Variants in MCC observed in about 807,000 individuals in gnomAD.
MCC encodes MCC regulator of Wnt signaling pathway.
A neutral mutation model predicts 116.2 loss-of-function variants in MCC; 90 were observed. The observed-to-expected ratio is 0.77, with a 90% CI of 0.65 to 0.92. MCC has a LOEUF of 0.92. MCC is among the 40% of genes least tolerant of loss of function. The pLI is 0.00. For missense variants in MCC, 1,516 were observed against 1,312.2 expected, an observed-to-expected ratio of 1.16 and a Z score of -2.40; for synonymous variants, 578 against 510.5, an observed-to-expected ratio of 1.13 and a Z score of -1.78.
intron 14 of MCC, among the ~76,000 whole-genome samples, chr5:113,060,071 G>A (rs1753110901): frequency 6.6e-6 from 1 of 152,154 alleles, no homozygotes; most frequent in Non-Finnish European, 1.5e-5. Context: ...AATCCGTGAT[G>A]ACATTTTCCT....
chr5:113,366,484 G>A (rs1768690993), intron 2 of MCC, among the ~76,000 whole-genome samples: 1 of 152,044 alleles, frequency 6.6e-6, no homozygotes, highest in Non-Finnish European at 1.5e-5. Flanking sequence ...TATTTCGAGG[G>A]TAATATATGG....
At chr5:113,129,584 TG>T (rs1196036080) in intron 5 of MCC, among the ~76,000 whole-genome samples, 1 of 152,160 alleles carries the variant, frequency 6.6e-6, no homozygotes, top group Non-Finnish European at 1.5e-5. Flanking sequence ...CCCATATGGC[TG>T]GGAGGAAGAG....
At chr5:113,466,951 TTC>T (rs1274319739) in intron 1 of MCC, among the ~76,000 whole-genome samples, 1 of 152,272 alleles carries the variant, frequency 6.6e-6, no homozygotes, top group Non-Finnish European at 1.5e-5. Flanking sequence ...TGAGCACTTT[TTC>T]ATGTGTTTTT....
intron 6 of MCC, among the ~76,000 whole-genome samples, chr5:113,118,416 C>T (rs956160684): frequency 1.3e-5 from 2 of 152,136 alleles, no homozygotes; most frequent in Non-Finnish European, 2.9e-5. Context: ...TATTTGACTG[C>T]TTAGTAAGTC....
chr5:113,292,997 G>T (rs1406060153), intron 3 of MCC, among the ~76,000 whole-genome samples: 1 of 152,094 alleles, frequency 6.6e-6, no homozygotes, highest in Non-Finnish European at 1.5e-5. Context: ...CTCACTCTCA[G>T]CATTTCTTGA....
chr5:113,285,465 T>C (rs1246321743), intron 3 of MCC, among the ~76,000 whole-genome samples: 1 of 151,764 alleles, frequency 6.6e-6, no homozygotes, highest in African/African-American at 2.4e-5. Flanking sequence ...CTAGGTGATC[T>C]GGCCAGAACT....
chr5:113,454,505 T>A (rs1389958597), intron 1 of MCC, among the ~76,000 whole-genome samples: 1 of 152,184 alleles, frequency 6.6e-6, no homozygotes, highest in Admixed American at 6.5e-5. Context: ...TCTAGTTAAA[T>A]GTCAGTCATA....
At chr5:113,262,026 C>T (rs1005308360) in intron 3 of MCC, among the ~76,000 whole-genome samples, 1 of 152,054 alleles carries the variant, frequency 6.6e-6, no homozygotes, top group Non-Finnish European at 1.5e-5. Context: ...GAATGATTAA[C>T]CACTCACCAA....
At chr5:113,037,536 T>C (rs1011379275) in intron 17 of MCC, among the ~76,000 whole-genome samples, 5 of 152,048 alleles carry the variant, frequency 3.3e-5, no homozygotes, top group African/African-American at 1.2e-4. Flanking sequence ...CTACTAAAAA[T>C]ACAAAAATTA....
intron 17 of MCC, among the ~76,000 whole-genome samples, chr5:113,034,443 C>T (rs1040063882): frequency 1.1e-4 from 16 of 152,160 alleles, no homozygotes; most frequent in African/African-American, 3.4e-4. Context: ...ATAAAAAGGC[C>T]AGCAGCGGTA....
chr5:113,474,498 T>C (rs1772183050), intron 1 of MCC, among the ~76,000 whole-genome samples: 1 of 151,698 alleles, frequency 6.6e-6, no homozygotes, highest in Non-Finnish European at 1.5e-5. Context: ...GGGAGTGGAG[T>C]CACCGTGCCA....
intron 3 of MCC, chr5:113,204,597 G>A (rs1409083078): frequency 6.6e-6 from 1 of 152,196 alleles, no homozygotes; most frequent in East Asian, 1.9e-4. Context: ...GAGAGTATCT[G>A]AGGAGAAATG....
intron 1 of MCC, among the ~76,000 whole-genome samples, chr5:113,471,296 C>A (rs1772083336): frequency 6.6e-6 from 1 of 152,152 alleles, no homozygotes; most frequent in African/African-American, 2.4e-5. Flanking sequence ...TTTTTCCCAT[C>A]TTTGTCATTT....
At chr5:113,481,977 A>G (rs577388065) in intron 1 of MCC, among the ~76,000 whole-genome samples, 3 of 152,118 alleles carry the variant, frequency 2.0e-5, no homozygotes, top group Non-Finnish European at 4.4e-5. Context: ...TCCACTTTCT[A>G]TCTCTATAGA....
In MCC at chr5:113,334,659, C is replaced by T. The variant is rs1767827971; in HGVS notation, c.627+5860G>A. ...AGGCTGGAGTGCAGTGGCGTGATCT[C>T]AGCTCACTGCAACCTCCGCCTCCCG... On this transcript the variant is annotated intron_variant, in intron 3 of 18. Transcript: ENST00000408903. Among the ~76,000 whole-genome samples, 3 of 141,168 alleles carry T rather than the reference C, an allele frequency of 2.1e-5. No individual in the cohort carries two copies. The Admixed American group carries it at 2.2e-4, about 11-fold the overall frequency. The allele number at this position is 141,168 out of a possible 152,430, so 92.6% of individuals were successfully genotyped here.
At chr5:113,268,061 T>C (rs1447410581) in intron 3 of MCC, among the ~76,000 whole-genome samples, 1 of 152,200 alleles carries the variant, frequency 6.6e-6, no homozygotes, top group Non-Finnish European at 1.5e-5. Flanking sequence ...TCTGTCACTA[T>C]TGTAGCCAAC....
At chr5:113,076,464 G>C (rs1397218668) in intron 11 of MCC, among the ~76,000 whole-genome samples, 1 of 152,108 alleles carries the variant, frequency 6.6e-6, no homozygotes, top group East Asian at 1.9e-4. Context: ...CTGATTTCTT[G>C]GGAGAAACTC....
intron 1 of MCC, among the ~76,000 whole-genome samples, chr5:113,387,459 A>T (rs1272072747): frequency 6.6e-6 from 1 of 152,218 alleles, no homozygotes; most frequent in African/African-American, 2.4e-5. Context: ...AACAGAAAGA[A>T]AGGATCCTGC....
intron 3 of MCC, among the ~76,000 whole-genome samples, chr5:113,226,242 A>C (rs1196686250): frequency 6.6e-6 from 1 of 152,250 alleles, no homozygotes; most frequent in African/African-American, 2.4e-5. Flanking sequence ...GAGGAAAAAA[A>C]GTTTTATTGG....
Sources: gnomAD v4.1 joint callset for allele counts (sites outside exome capture counted in the v4.1 genomes callset) on GRCh38, gnomAD v4.1.1 for gene constraint, MANE v1.5 for transcripts, NCBI Gene and HGNC (gene_info 2026-07-23, HGNC 2026-07-21) for gene names.